NLGN1: variants seen among roughly 807,000 people sequenced by gnomAD.
NLGN1 encodes neuroligin-1.
NLGN1 carries 12 observed loss-of-function variants against 65.5 expected under a neutral mutation model. That is an observed-to-expected ratio of 0.18 (90% confidence interval 0.12 to 0.30). The LOEUF (loss-of-function observed/expected upper bound fraction) is 0.30, where lower values mean the gene tolerates loss of function less well. Ranked by LOEUF, NLGN1 falls within the 10% of genes least tolerant of loss-of-function variation. The probability of loss-of-function intolerance (pLI) is 1.00; values close to 1 mark genes in which losing one functional copy is unlikely to be tolerated. For missense variants in NLGN1, 750 were observed against 1,007.1 expected, an observed-to-expected ratio of 0.74 and a Z score of 3.46; for synonymous variants, 350 against 359.5, an observed-to-expected ratio of 0.97 and a Z score of 0.30.
intron 4 of NLGN1, among the ~76,000 whole-genome samples, chr3:174,145,450 T>C (rs1723035247): frequency 6.6e-6 from 1 of 151,816 alleles, no homozygotes. Context: ...GAAGCAGGGG[T>C]TCCGGTGAGC....
intron 4 of NLGN1, among the ~76,000 whole-genome samples, chr3:173,942,179 A>G (rs1055991717): frequency 1.2e-4 from 18 of 151,120 alleles, no homozygotes; most frequent in African/African-American, 4.4e-4. Flanking sequence ...TAATATGTGT[A>G]TATATATATA....
intron 3 of NLGN1, among the ~76,000 whole-genome samples, chr3:173,804,898 C>T (rs1329737840): frequency 2.0e-5 from 3 of 151,900 alleles, no homozygotes; most frequent in East Asian, 1.9e-4. Context: ...TGGTAGTAGG[C>T]GCCTGTAATC....
At chr3:174,218,540 C>T (rs879362566) in intron 4 of NLGN1, among the ~76,000 whole-genome samples, 32 of 152,110 alleles carry the variant, frequency 2.1e-4, no homozygotes, top group Admixed American at 2.0e-3. Context: ...GCCTTGAGAA[C>T]CTCACCTCAT....
intron 4 of NLGN1, among the ~76,000 whole-genome samples, chr3:174,173,793 T>C (rs1041828595): frequency 6.6e-6 from 1 of 151,958 alleles, no homozygotes; most frequent in Non-Finnish European, 1.5e-5. Flanking sequence ...AAAATCTACA[T>C]TTTTATGTTC....
At chr3:173,426,707 A>G (rs986667954) in intron 1 of NLGN1, among the ~76,000 whole-genome samples, 4 of 151,980 alleles carry the variant, frequency 2.6e-5, no homozygotes, top group African/African-American at 7.2e-5. Context: ...TCTTTTTGAT[A>G]TGCTGTTGGA....
intron 4 of NLGN1, among the ~76,000 whole-genome samples, chr3:173,828,376 C>T (rs995831165): frequency 4.6e-5 from 7 of 152,020 alleles, no homozygotes; most frequent in Admixed American, 2.0e-4. Flanking sequence ...TCCAGGAACA[C>T]GGGTCCCCTT....
intron 4 of NLGN1, among the ~76,000 whole-genome samples, chr3:174,274,917 G>C (rs2152885605): frequency 6.6e-6 from 1 of 151,848 alleles, no homozygotes; most frequent in Non-Finnish European, 1.5e-5. Flanking sequence ...AACCACATTT[G>C]ACGACAAGCA....
chr3:173,607,531 C>T (rs1577505951), intron 3 of NLGN1, among the ~76,000 whole-genome samples: 1 of 139,226 alleles, frequency 7.2e-6, no homozygotes, highest in African/African-American at 3.0e-5. Context: ...TTAAAATAAA[C>T]AAAAACTAAA....
At chr3:173,689,743 C>G (rs1205110609) in intron 3 of NLGN1, among the ~76,000 whole-genome samples, 1 of 152,072 alleles carries the variant, frequency 6.6e-6, no homozygotes, top group Non-Finnish European at 1.5e-5. Flanking sequence ...CTACCTTGCC[C>G]CATTCAATTA....
rs117820496 is a variant in NLGN1, at chr3:174,135,607, C to T, written c.647-139708C>T. 2.2e-3 allele frequency among the ~76,000 whole-genome samples: 329 copies of T among 152,110 alleles called. 7 individuals carry two copies. In the East Asian group the frequency reaches 0.051, roughly 24 times the overall value. On this transcript the variant is annotated intron_variant, in intron 4 of 6. Coordinates refer to ENST00000457714, the Ensembl canonical transcript of NLGN1. ...TTTTAAAAGAATATTTGGTTATTTC[C>T]AGATCTTCTGTGTAACAGAATTTAC...
rs570158292 is a variant in NLGN1 at position 173,721,941 on chromosome 3, G to T, written c.494-85739G>T. ...TGATGGGCAACATGAATATCTGCTC[G>T]TAAAAAAAAAAAGGGACCCCAGTGG... is the stretch of plus-strand genomic sequence containing the variant. On this transcript the variant is annotated intron_variant, in intron 3 of 6. Coordinates refer to ENST00000457714, the Ensembl canonical transcript of NLGN1. Among the ~76,000 whole-genome samples the T allele has an allele frequency of 1.3e-3, 16 of 12,428 alleles. 1 individual carries two copies. The East Asian group carries it at 0.051, about 40-fold the overall frequency. 8.2% of individuals were successfully genotyped at this position (12,428 alleles called of 152,430 possible).
chr3:173,678,890 T>A (rs1227929906), intron 3 of NLGN1, among the ~76,000 whole-genome samples: 4 of 152,034 alleles, frequency 2.6e-5, no homozygotes, highest in Non-Finnish European at 5.9e-5. Flanking sequence ...TTATAGACAT[T>A]TAGGAGAATT....
rs145078836 is a variant in NLGN1, at chr3:173,517,137, C to T, written c.-321+82059C>T. On this transcript the variant is annotated intron_variant, in intron 2 of 6. Transcript: ENST00000457714. Reference sequence around the variant, plus strand: ...AGTTTCTGTTAGTGAATTTTTGACACGCATCAAGTTGTTCAAAGAGGGATA... The same window carrying T: ...AGTTTCTGTTAGTGAATTTTTGACATGCATCAAGTTGTTCAAAGAGGGATA... 8.9e-3 allele frequency among the ~76,000 whole-genome samples: 1,347 copies of T among 152,120 alleles called. 10 individuals carry two copies. The highest frequency in any genetic ancestry group is 0.027 in the Middle Eastern group (8 of 294).
At chr3:174,195,830 A>C (rs1442164526) in intron 4 of NLGN1, among the ~76,000 whole-genome samples, 1 of 152,192 alleles carries the variant, frequency 6.6e-6, no homozygotes, top group African/African-American at 2.4e-5. Flanking sequence ...AAGTATAATC[A>C]GAGGTCAAGG....
chr3:174,095,807 C>G (rs1239855736), intron 4 of NLGN1, among the ~76,000 whole-genome samples: 1 of 151,888 alleles, frequency 6.6e-6, no homozygotes, highest in East Asian at 1.9e-4. Flanking sequence ...CGAGACCAGC[C>G]TGACCAACAT....
chr3:173,733,396 C>T (rs1773185313), intron 3 of NLGN1, among the ~76,000 whole-genome samples: 1 of 151,976 alleles, frequency 6.6e-6, no homozygotes, highest in Non-Finnish European at 1.5e-5. Context: ...AGCTTAATGC[C>T]TTTTCATTCC....
intron 4 of NLGN1, among the ~76,000 whole-genome samples, chr3:174,019,077 C>G (rs1727212264): frequency 2.0e-5 from 3 of 151,938 alleles, no homozygotes; most frequent in African/African-American, 7.3e-5. Flanking sequence ...GTATTCAATG[C>G]CACCAAATAC....
At chr3:173,578,011 T>C (rs1208640323) in intron 2 of NLGN1, among the ~76,000 whole-genome samples, 2 of 151,974 alleles carry the variant, frequency 1.3e-5, no homozygotes, top group African/African-American at 2.4e-5. Flanking sequence ...CTGAGGCAGG[T>C]GGATCACGAG....
At chr3:173,541,880 G>C (rs1738932294) in intron 2 of NLGN1, among the ~76,000 whole-genome samples, 1 of 151,988 alleles carries the variant, frequency 6.6e-6, no homozygotes, top group Non-Finnish European at 1.5e-5. Context: ...TTTTTACAAG[G>C]TGTACGTAGA....
Sources: gnomAD v4.1 joint callset for allele counts (sites outside exome capture counted in the v4.1 genomes callset) on GRCh38, gnomAD v4.1.1 for gene constraint, MANE v1.5 for transcripts, NCBI Gene and HGNC (gene_info 2026-07-23, HGNC 2026-07-21) for gene names.